SND1: variants seen among roughly 807,000 people sequenced by gnomAD.
SND1 encodes the protein staphylococcal nuclease and tudor domain containing 1.
SND1 carries 38 observed loss-of-function variants against 121.7 expected under a neutral mutation model. The ratio of observed to expected loss-of-function variants is 0.31; its 90% CI spans 0.24 to 0.41. SND1 has a LOEUF of 0.41. SND1 is among the 10% of genes least tolerant of loss of function. The pLI is 1.00. For synonymous variants in SND1, 401 were observed against 447.4 expected, an observed-to-expected ratio of 0.90 and a Z score of 1.31; for missense variants, 868 against 1,184.6, an observed-to-expected ratio of 0.73 and a Z score of 3.92.
At chr7:127,885,166 A>G (rs574518737) in intron 12 of SND1, among the ~76,000 whole-genome samples, 36 of 152,300 alleles carry the variant, frequency 2.4e-4, no homozygotes, top group Non-Finnish European at 4.3e-4. Context: ...ATAGAGCAAG[A>G]AAAGCATGGC....
rs371428123 is a variant in SND1 at position 127,704,937 on chromosome 7, G to A, written c.939G>A (p.Ala313=). 6.7e-5 allele frequency: 108 copies of A among 1,613,760 alleles called. No individual in the cohort carries two copies. Among genetic ancestry groups the A allele is most frequent in the African/African-American group, 1.6e-4 (12 of 74,920 alleles). Residue 313 remains alanine, a synonymous_variant, in exon 8 of 24, where the codon GCG becomes GCA. Transcript: ENST00000354725. The part of the protein sequence containing the change: ...VYTRGAEKLR[A]AERFAKERRL... ...CCCGGGGCGCAGAAAAGCTGAGGGCGGCAGAGAGGTAAGGTCTGTCCAAGA... is the reference window on the plus strand; with the variant it reads ...CCCGGGGCGCAGAAAAGCTGAGGGCAGCAGAGAGGTAAGGTCTGTCCAAGA...
At chr7:128,080,630 G>C (rs1054994599) in intron 17 of SND1, among the ~76,000 whole-genome samples, 15 of 152,178 alleles carry the variant, frequency 9.9e-5, no homozygotes, top group Non-Finnish European at 1.5e-4. Flanking sequence ...TGGGGAGCTG[G>C]AGCAAGAGAG....
chr7:127,670,177 G>T (rs1022226252), intron 1 of SND1, among the ~76,000 whole-genome samples: 4 of 152,006 alleles, frequency 2.6e-5, no homozygotes, highest in Admixed American at 2.0e-4. Context: ...TTGTGGTAGA[G>T]ACAGTTTCAC....
At chr7:127,905,783 C>A in intron 14 of SND1, among the ~76,000 whole-genome samples, 1 of 152,100 alleles carries the variant, frequency 6.6e-6, no homozygotes, top group Non-Finnish European at 1.5e-5. Flanking sequence ...GGAAGATGCC[C>A]AGGGGAGATG....
chr7:127,780,269 A>G (rs952629717), intron 10 of SND1, among the ~76,000 whole-genome samples: 1 of 152,242 alleles, frequency 6.6e-6, no homozygotes, highest in African/African-American at 2.4e-5. Flanking sequence ...CACACTGACT[A>G]AAGTATGGTA....
At chr7:127,976,414 G>A (rs966031720) in intron 15 of SND1, among the ~76,000 whole-genome samples, 9 of 152,246 alleles carry the variant, frequency 5.9e-5, no homozygotes, top group Non-Finnish European at 1.2e-4. Flanking sequence ...TTGGGTACCT[G>A]ATTTTCTCCC....
intron 1 of SND1, among the ~76,000 whole-genome samples, chr7:127,664,168 G>T (rs997154729): frequency 3.3e-5 from 5 of 152,212 alleles, no homozygotes; most frequent in African/African-American, 9.6e-5. Context: ...TAGAGGCGGG[G>T]TCTCTCTGTG....
chr7:127,958,893 G>C (rs775567822), intron 15 of SND1, among the ~76,000 whole-genome samples: 3 of 152,210 alleles, frequency 2.0e-5, no homozygotes. Context: ...TGTCACCTGA[G>C]ATGAGAGTTG....
chr7:128,021,867 A>G (rs1224644616), intron 16 of SND1, among the ~76,000 whole-genome samples: 1 of 152,186 alleles, frequency 6.6e-6, no homozygotes, highest in Non-Finnish European at 1.5e-5. Context: ...AACCTGATAC[A>G]ATAATTAATT....
At chr7:128,007,542 G>T (rs892521394) in intron 16 of SND1, among the ~76,000 whole-genome samples, 2 of 152,222 alleles carry the variant, frequency 1.3e-5, no homozygotes, top group East Asian at 3.8e-4. Context: ...CTTCAGCCAA[G>T]GCAGCCTCAT....
chr7:127,849,514 C>G (rs535472887), intron 12 of SND1, among the ~76,000 whole-genome samples: 1 of 152,314 alleles, frequency 6.6e-6, no homozygotes, highest in African/African-American at 2.4e-5. Flanking sequence ...CTCATTCTCA[C>G]CACCACCTCA....
chr7:127,794,325 T>C (rs1338950566), intron 10 of SND1, among the ~76,000 whole-genome samples: 1 of 152,194 alleles, frequency 6.6e-6, no homozygotes, highest in Non-Finnish European at 1.5e-5. Context: ...CTGTGTGCAC[T>C]TACATAATTC....
intron 15 of SND1, among the ~76,000 whole-genome samples, chr7:127,979,582 G>A (rs1802210264): frequency 6.6e-6 from 1 of 152,144 alleles, no homozygotes; most frequent in Admixed American, 6.5e-5. Flanking sequence ...GATCAGAGCA[G>A]GTGATAGAGG....
chr7:128,071,182 T>G (rs550574536), intron 16 of SND1, among the ~76,000 whole-genome samples: 4 of 152,346 alleles, frequency 2.6e-5, no homozygotes, highest in Admixed American at 6.5e-5. Flanking sequence ...ATAAGCTTCA[T>G]TCAGGCATAA....
At chr7:127,963,332 C>A (rs996561308) in intron 15 of SND1, among the ~76,000 whole-genome samples, 2 of 147,000 alleles carry the variant, frequency 1.4e-5, no homozygotes, top group African/African-American at 5.1e-5. Flanking sequence ...TATACATGTG[C>A]CATGCTGGTG....
intron 15 of SND1, among the ~76,000 whole-genome samples, chr7:127,944,224 T>C (rs1405737461): frequency 1.3e-5 from 2 of 152,248 alleles, no homozygotes; most frequent in East Asian, 1.9e-4. Context: ...AGCGTGTCTC[T>C]AACCTAAGTA....
chr7:128,089,798 T>A, intron 22 of SND1, 106 bp downstream of exon 22: 1 of 1,020,720 alleles, frequency 9.8e-7, no homozygotes, highest in Non-Finnish European at 1.5e-6. Flanking sequence ...ATCCTGCTGT[T>A]CCTGCTGAGG....
chr7:127,964,470 T>C (rs1015338318), intron 15 of SND1, among the ~76,000 whole-genome samples: 3 of 150,784 alleles, frequency 2.0e-5, no homozygotes, highest in Non-Finnish European at 4.4e-5. Flanking sequence ...GCTTTCTACA[T>C]ATGGCTAGCC....
At chr7:127,982,583 T>G (rs1315813853) in intron 15 of SND1, among the ~76,000 whole-genome samples, 2 of 152,254 alleles carry the variant, frequency 1.3e-5, no homozygotes, top group Non-Finnish European at 2.9e-5. Context: ...GAATAAAGAA[T>G]TTGAGAGAAT....
Sources: gnomAD v4.1 joint callset for allele counts (sites outside exome capture counted in the v4.1 genomes callset) on GRCh38, gnomAD v4.1.1 for gene constraint, MANE v1.5 for transcripts, NCBI Gene and HGNC (gene_info 2026-07-23, HGNC 2026-07-21) for gene names.